The following NPM3 variants were observed in gnomAD, a reference collection of about 807,000 sequenced individuals.
NPM3 encodes the protein nucleophosmin/nucleoplasmin 3.
A neutral mutation model predicts 18.1 loss-of-function variants in NPM3; 12 were observed. That is an observed-to-expected ratio of 0.66 (90% confidence interval 0.42 to 1.07). NPM3 has a LOEUF of 1.07. Among genes scored for constraint, NPM3 ranks in the 50% least tolerant of loss-of-function variants. The probability of loss-of-function intolerance (pLI) is 0.00; values close to 1 mark genes in which losing one functional copy is unlikely to be tolerated. For synonymous variants in NPM3, 116 were observed against 93.7 expected (o/e 1.24, Z -1.38); for missense variants, 274 against 232.1 (o/e 1.18, Z -1.17).
intron 1 of NPM3, 118 bp downstream of exon 1, chr10:101,783,155 G>A: frequency 2.2e-6 from 2 of 898,058 alleles, no homozygotes; most frequent in East Asian, 2.5e-5. Context: ...CCTCTCCTGC[G>A]GGAACAGCGA....
At chr10:101,782,706 G>C (rs1394484667) in intron 2 of NPM3, 109 bp from the exon 3 acceptor site, 1 of 1,582,794 alleles carries the variant, frequency 6.3e-7, no homozygotes, top group African/African-American at 1.4e-5. Flanking sequence ...GGTTCACCTG[G>C]CCAGGGGAGC....
chr10:101,782,460 C>G lies in NPM3; in HGVS notation c.324+18G>C. ...ACCACCACCACCACCACCACCAAGG[C>G]AGAGCTGGGGAACTCACCATGGGTT... On this transcript the variant is annotated intron_variant, in intron 3 of 5. Coordinates refer to ENST00000370110, the Ensembl canonical transcript of NPM3. The G allele has an allele frequency of 1.2e-6, 2 of 1,607,092 alleles. No homozygotes were observed. The highest frequency in any genetic ancestry group is 1.7e-6 in the Non-Finnish European group (2 of 1,176,326).
upstream of NPM3, chr10:101,783,428 C>A: frequency 6.8e-7 from 1 of 1,480,298 alleles, no homozygotes; most frequent in South Asian, 1.2e-5. Flanking sequence ...CCCCGACACG[C>A]ACAAAGCCGG....
chr10:101,781,901 C>G (rs373450353), intron 4 of NPM3, 47 bp from the exon 5 acceptor site: 152 of 1,613,832 alleles, frequency 9.4e-5, no homozygotes, highest in Non-Finnish European at 1.2e-4. Flanking sequence ...AAGACCAGAC[C>G]GTTTCACACC....
At chr10:101,781,740 G>A in exon 5 of NPM3, 5 of 1,613,854 alleles carry the variant, frequency 3.1e-6, no homozygotes, top group Middle Eastern at 3.3e-4. Flanking sequence ...GGAGGGCTAG[G>A]GCCTGCCCCC....
intron 2 of NPM3, 66 bp downstream of exon 2, chr10:101,782,773 G>A: frequency 6.3e-7 from 1 of 1,584,644 alleles, no homozygotes; most frequent in Non-Finnish European, 8.6e-7. Context: ...GGATCCGGAG[G>A]TTGGGTAGAG....
At chr10:101,782,495 G>T in exon 3 of NPM3, 1 of 1,612,812 alleles carries the variant, frequency 6.2e-7, no homozygotes, top group Non-Finnish European at 8.5e-7. Context: ...TGGCAGGACA[G>T]CTTGAGGTTG....
exon 6 of NPM3, chr10:101,781,454 A>G (rs540518327): frequency 1.1e-4 from 47 of 441,096 alleles, no homozygotes; most frequent in African/African-American, 8.9e-4. Flanking sequence ...GGCCCCGGGC[A>G]TGGTGAAAAT....
chr10:101,782,612 C>T lies in NPM3; in HGVS notation c.205-15G>A, dbSNP rs748576371. 1.5e-5 allele frequency: 25 copies of T among 1,613,196 alleles called. No homozygotes were observed. The highest frequency in any genetic ancestry group is 2.1e-5 in the Non-Finnish European group (25 of 1,179,990). The stretch of plus-strand genomic sequence containing the variant: ...GTGAGGCAGAGCTGGGAACGGTACA[C>T]AGGGCCTCAGGGTCTCCTCAAGTGA... On this transcript the variant is annotated splice_polypyrimidine_tract_variant and intron_variant, in intron 2 of 5. Transcript: ENST00000370110.
chr10:101,782,345 G>C (rs562305258), exon 4 of NPM3: 32 of 1,613,722 alleles, frequency 2.0e-5, no homozygotes, highest in East Asian at 8.9e-5. Flanking sequence ...AAGTCATCCA[G>C]ACTGAGCTGG....
intron 3 of NPM3, 47 bp from the exon 4 acceptor site, chr10:101,782,398 C>T (rs746009576): frequency 6.2e-6 from 10 of 1,606,084 alleles, no homozygotes; most frequent in South Asian, 5.5e-5. Context: ...CTAGCCCACC[C>T]CACACTGTAA....
exon 4 of NPM3, chr10:101,782,298 C>G (rs747904834): frequency 6.2e-7 from 1 of 1,613,974 alleles, no homozygotes; most frequent in African/African-American, 1.3e-5. Flanking sequence ...GGCCAGAGCC[C>G]GACTTCAGGC....
upstream of NPM3, chr10:101,783,436 C>A: frequency 7.0e-7 from 1 of 1,431,850 alleles, no homozygotes; most frequent in Non-Finnish European, 9.5e-7. Context: ...CGCACAAAGC[C>A]GGGGACCCTC....
exon 6 of NPM3, chr10:101,781,422 C>CT (rs1223273619): frequency 7.5e-6 from 3 of 400,334 alleles, no homozygotes; most frequent in Non-Finnish European, 1.3e-5. Flanking sequence ...ACCTCCAATT[C>CT]TCACAGGCAG....
intron 3 of NPM3, 24 bp from the exon 4 acceptor site, chr10:101,782,375 G>A (rs778483639): frequency 6.2e-7 from 1 of 1,611,616 alleles, no homozygotes; most frequent in Non-Finnish European, 8.5e-7. Flanking sequence ...AAGGATGAAG[G>A]CCTGGCCCAC....
chr10:101,782,893 G>A, exon 2 of NPM3: 3 of 1,614,188 alleles, frequency 1.9e-6, no homozygotes, highest in Non-Finnish European at 2.5e-6. Context: ...CCTTAAAGGT[G>A]AAGGAGCGGG....
intron 2 of NPM3, 78 bp from the exon 3 acceptor site, chr10:101,782,675 C>T (rs1459534828): frequency 2.3e-5 from 37 of 1,602,172 alleles, no homozygotes; most frequent in South Asian, 1.3e-4. Context: ...ACCCTAGCAC[C>T]TGCCCAGCCT....
chr10:101,782,179 G>T, intron 4 of NPM3, 79 bp downstream of exon 4: 1 of 1,266,318 alleles, frequency 7.9e-7, no homozygotes, highest in Non-Finnish European at 1.1e-6. Flanking sequence ...AGGGTGGGAT[G>T]GGGCAGGAGT....
At chr10:101,783,201 T>G in intron 1 of NPM3, 72 bp downstream of exon 1, 1 of 1,188,236 alleles carries the variant, frequency 8.4e-7, no homozygotes, top group East Asian at 2.4e-5. Context: ...CTTGAAACCC[T>G]CCGCATTCCC....
Sources: allele counts gnomAD v4.1 joint callset, GRCh38; gene constraint gnomAD v4.1.1; transcripts MANE v1.5; gene names NCBI Gene and HGNC (gene_info 2026-07-23, HGNC 2026-07-21).